The following TPM1 variants were observed in gnomAD, a reference collection of about 807,000 sequenced individuals.
TPM1 encodes tropomyosin 1, also known as tropomyosin alpha-1 chain.
In TPM1, 24 loss-of-function variants were observed where a neutral mutation model predicts 42.9. The ratio of observed to expected loss-of-function variants is 0.56; its 90% confidence interval spans 0.41 to 0.79. The LOEUF is 0.79. Among genes scored for constraint, TPM1 ranks in the 30% least tolerant of loss-of-function variants. The pLI is 0.00. For synonymous variants in TPM1, 136 were observed against 130.1 expected (o/e 1.05, Z -0.31); for missense variants, 158 against 351.8 (o/e 0.45, Z 4.41).
At chr15:63,065,710 G>C in intron 9 of TPM1, 186 bp from the exon 10 acceptor site, 1 of 936,732 alleles carries the variant, frequency 1.1e-6, no homozygotes, top group Non-Finnish European at 1.3e-6. Flanking sequence ...GCCGAAAGGC[G>C]GCCTGTGACG....
chr15:63,052,091 T>G (rs1038165579), intron 2 of TPM1, among the ~76,000 whole-genome samples: 4 of 150,966 alleles, frequency 2.6e-5, no homozygotes, highest in African/African-American at 9.8e-5. Context: ...AGGAGGACAT[T>G]GGTAGCCTTT....
chr15:63,060,886 C>T lies in TPM1; in HGVS notation c.510C>T (p.Val170=). Reference sequence around the variant, plus strand: ...TGCTGCAGGTGGCCCGTAAGCTGGTCATCATTGAGAGCGACCTGGAACGTG... The same window carrying T: ...TGCTGCAGGTGGCCCGTAAGCTGGTTATCATTGAGAGCGACCTGGAACGTG... ...RKYEEVARKL[V]IIESDLERAE... The change falls in exon 5 of 10, where the codon GTC becomes GTT. Residue 170 remains valine, a synonymous_variant. Coordinates refer to ENST00000403994, the MANE Select transcript of TPM1 (RefSeq NM_001018005.2). 6.2e-7 allele frequency: 1 copy of T among 1,614,178 alleles called. No homozygotes were observed. Among genetic ancestry groups the T allele is most frequent in the South Asian group, 1.1e-5 (1 of 91,052 alleles).
Position 63,060,923 on chromosome 15 carries a change from G to A in TPM1, c.547G>A (p.Ala183Thr). The A allele has an allele frequency of 6.2e-7, 1 of 1,614,160 alleles. No homozygotes were observed. The highest frequency in any genetic ancestry group is 8.5e-7 in the Non-Finnish European group (1 of 1,180,042). Residue 183 changes from alanine to threonine, a missense_variant, in exon 5 of 10, where the codon GCT becomes ACT. Around this residue, in one of 4 missense-constraint regions of TPM1, gnomAD observed 65 missense variants for 208.8 expected, o/e 0.31. Transcript: ENST00000403994. ...CGACCTGGAACGTGCAGAGGAGCGG[G>A]CTGAGCTCTCAGAAGGGTAAGCGGG... Reference protein sequence around the residue: ...ESDLERAEERAELSEGKCAEL... With the variant: ...ESDLERAEERTELSEGKCAEL...
chr15:63,056,249 G>A (rs1336012047), intron 2 of TPM1: 1 of 152,302 alleles, frequency 6.6e-6, no homozygotes, highest in Non-Finnish European at 1.5e-5. Context: ...TGGCTGTACT[G>A]CTATTGTCTT....
intron 7 of TPM1, 149 bp downstream of exon 7, chr15:63,062,426 C>T (rs1405290959): frequency 1.1e-5 from 13 of 1,229,184 alleles, no homozygotes; most frequent in Non-Finnish European, 1.5e-5. Flanking sequence ...GTGCTAACTG[C>T]CATTTCTCAC....
At chr15:63,048,580 C>T (rs1432721025) in intron 2 of TPM1, 29 of 1,527,780 alleles carry the variant, frequency 1.9e-5, no homozygotes, top group Non-Finnish European at 2.5e-5. Context: ...GGCGCGATGG[C>T]GGGGAGTAGC....
At chr15:63,061,089 T>C in intron 5 of TPM1, 150 bp downstream of exon 5, 1 of 1,456,970 alleles carries the variant, frequency 6.9e-7, no homozygotes, top group African/African-American at 1.4e-5. Context: ...GTATGGAACA[T>C]GGAGGACTCG....
intron 2 of TPM1, chr15:63,054,348 T>G (rs960184960): frequency 6.6e-6 from 1 of 152,254 alleles, no homozygotes; most frequent in African/African-American, 2.4e-5. Context: ...AACAGCATTC[T>G]GTAAACACAG....
chr15:63,045,480 T>C (rs1343879280), intron 2 of TPM1: 1 of 152,208 alleles, frequency 6.6e-6, no homozygotes, highest in Non-Finnish European at 1.5e-5. Context: ...AGATGCCTGC[T>C]CTATATATGG....
At chr15:63,069,945 C>T, downstream of TPM1, 1 of 1,614,030 alleles carries the variant, frequency 6.2e-7, no homozygotes, top group African/African-American at 1.3e-5. Context: ...GAGGATTAAA[C>T]TTAAGAGTGA....
In TPM1 at chr15:63,057,046, G is replaced by A. The variant is rs747907799; in HGVS notation, c.302G>A (p.Arg101His). 4.3e-6 allele frequency: 7 copies of A among 1,614,208 alleles called. No individual in the cohort carries two copies. Among genetic ancestry groups the A allele is most frequent in the Admixed American group, 3.3e-5 (2 of 60,028 alleles). The stretch of plus-strand genomic sequence containing the variant: ...CAGCTGGTTGAGGAAGAGTTGGATC[G>A]TGCCCAGGAGCGTCTGGCAACAGCT... ...RIQLVEEELD[R>H]AQERLATALQ... The change falls in exon 3 of 10, where the codon CGT becomes CAT. Residue 101 changes from arginine (R) to histidine (H), a missense_variant. Physicochemically the swap from Arg to His is conservative, Grantham distance 29. Around this residue, in one of 4 missense-constraint regions of TPM1, gnomAD observed 65 missense variants for 208.8 expected, o/e 0.31. Transcript: ENST00000403994.
Position 63,065,906 on chromosome 15 carries a change from T to G in TPM1, c.*7T>G. ...TTTATCTTCACGCAGATAAGTTTCT[T>G]TGCTTCACTTCTCCCAAGACTCCCT... On this transcript the variant is annotated 3_prime_UTR_variant, in exon 10 of 10. Coordinates refer to ENST00000403994, the MANE Select transcript of TPM1 (RefSeq NM_001018005.2). The G allele has an allele frequency of 6.2e-7, 1 of 1,611,378 alleles. No individual in the cohort carries two copies. The highest frequency in any genetic ancestry group is 1.1e-5 in the South Asian group (1 of 90,686).
At chr15:63,069,092 G>A (rs2036450811), downstream of TPM1, among the ~76,000 whole-genome samples, 1 of 152,198 alleles carries the variant, frequency 6.6e-6, no homozygotes, top group Non-Finnish European at 1.5e-5. Flanking sequence ...GGTGGAGCTT[G>A]CAGTGAGCTG....
At chr15:63,043,567 A>G in intron 1 of TPM1, 1 of 1,346,300 alleles carries the variant, frequency 7.4e-7, no homozygotes, top group Non-Finnish European at 1.0e-6. Context: ...GTAAAGAGGA[A>G]GTTACCTCGG....
At chr15:63,043,672 C>T in intron 1 of TPM1, 1 of 1,538,886 alleles carries the variant, frequency 6.5e-7, no homozygotes. Context: ...CCGGTCCGTG[C>T]CGGCCGCCCG....
intron 1 of TPM1, 177 bp from the exon 2 acceptor site, chr15:63,043,850 A>T: frequency 6.5e-7 from 1 of 1,548,838 alleles, no homozygotes; most frequent in Non-Finnish European, 8.7e-7. Flanking sequence ...GGCGCGCGGC[A>T]CGGCGTGGCG....
chr15:63,056,046 A>C (rs891599642), intron 2 of TPM1: 2 of 152,234 alleles, frequency 1.3e-5, no homozygotes, highest in African/African-American at 4.8e-5. Context: ...CATCAAAAAC[A>C]CTTGGGAAAT....
chr15:63,063,929 C>T (rs547564568), intron 8 of TPM1, 135 bp from the exon 9 acceptor site: 31 of 1,311,886 alleles, frequency 2.4e-5, no homozygotes, highest in Middle Eastern at 1.9e-4. Context: ...CCACCTGCTG[C>T]GGCACCAACC....
intron 5 of TPM1, chr15:63,061,340 C>T: frequency 6.6e-7 from 1 of 1,513,386 alleles, no homozygotes; most frequent in Non-Finnish European, 9.2e-7. Context: ...TCCAATGCCT[C>T]CTGGTTCGTT....
Sources: allele counts gnomAD v4.1 joint callset (sites outside exome capture counted in the v4.1 genomes callset), GRCh38; gene constraint gnomAD v4.1.1; regional missense constraint gnomAD v4.1.1; transcripts MANE v1.5; gene names NCBI Gene and HGNC (gene_info 2026-07-23, HGNC 2026-07-21).